SCN3A: variants seen among roughly 807,000 people sequenced by gnomAD.
SCN3A encodes the protein sodium voltage-gated channel alpha subunit 3.
A neutral mutation model predicts 187.6 loss-of-function variants in SCN3A; 60 were observed. The ratio of observed to expected loss-of-function variants is 0.32; its 90% CI spans 0.26 to 0.40. The LOEUF is 0.40. Among genes scored for constraint, SCN3A ranks in the 10% least tolerant of loss-of-function variants. SCN3A has a pLI of 1.00. For synonymous variants in SCN3A, 788 were observed against 829.2 expected (o/e 0.95, Z 0.85); for missense variants, 1,601 against 2,428.2 (o/e 0.66, Z 7.16).
chr2:165,180,052 A>G (rs149708962), intron 2 of SCN3A, among the ~76,000 whole-genome samples: 1,625 of 152,272 alleles, frequency 0.011, 22 homozygotes, highest in African/African-American at 0.037. Context: ...CAAAAAAGAT[A>G]CGAAAAAAAT....
intron 18 of SCN3A, among the ~76,000 whole-genome samples, chr2:165,119,532 A>C (rs1291641974): frequency 6.6e-6 from 1 of 152,172 alleles, no homozygotes; most frequent in Non-Finnish European, 1.5e-5. Context: ...CATTTATATG[A>C]TACATATCTA....
chr2:165,147,542 A>G (rs1395143209), intron 11 of SCN3A, among the ~76,000 whole-genome samples: 1 of 152,164 alleles, frequency 6.6e-6, no homozygotes, highest in African/African-American at 2.4e-5. Context: ...GGAAGTAGGG[A>G]AATGTATTAG....
At chr2:165,194,376 G>C (rs1380820710) in intron 1 of SCN3A, among the ~76,000 whole-genome samples, 1 of 152,126 alleles carries the variant, frequency 6.6e-6, no homozygotes, top group South Asian at 2.1e-4. Context: ...TCCCTTCTGA[G>C]AGAAACTTCT....
Position 165,095,501 on chromosome 2 carries a change from G to T in SCN3A, c.4431+10C>A. On this transcript the variant is annotated intron_variant, in intron 25 of 27. Transcript: ENST00000283254. Reference sequence around the variant, plus strand: ...AGAATGAAGAAAGGTAAAAGCTAAAGAATACTTATCTTCTTTTTCTGCTGG... The same window carrying T: ...AGAATGAAGAAAGGTAAAAGCTAAATAATACTTATCTTCTTTTTCTGCTGG... The T allele has an allele frequency of 2.5e-6, 4 of 1,611,448 alleles. No homozygotes were observed. Among genetic ancestry groups the T allele is most frequent in the Non-Finnish European group, 3.4e-6 (4 of 1,178,094 alleles).
chr2:165,098,953 A>G (rs1211182569), intron 22 of SCN3A, among the ~76,000 whole-genome samples: 1 of 152,224 alleles, frequency 6.6e-6, no homozygotes, highest in African/African-American at 2.4e-5. Context: ...GTTTGGTTTG[A>G]AAAGAACTTG....
chr2:165,125,908 T>C (rs1686963760), intron 18 of SCN3A, among the ~76,000 whole-genome samples: 1 of 152,176 alleles, frequency 6.6e-6, no homozygotes, highest in Admixed American at 6.5e-5. Flanking sequence ...AGACTTTAAA[T>C]GGAATTCAGA....
rs1044498160 is a variant in SCN3A, at chr2:165,087,696, A to G, written c.*2454T>C. The G allele has an allele frequency of 6.6e-6, 1 of 152,210 alleles. No individual in the cohort carries two copies. Among genetic ancestry groups the G allele is most frequent in the African/African-American group, 2.4e-5 (1 of 41,466 alleles). The allele number at this position is 152,210 out of a possible 1,614,324, so 9.4% of individuals were successfully genotyped here. ...AAAAAAAAGTTAATATAAATTCTCA[A>G]TAACTATATCATTAATACCTTATGT... On this transcript the variant is annotated 3_prime_UTR_variant, in exon 28 of 28. Transcript: ENST00000283254.
chr2:165,102,054 C>T (rs181058651), intron 21 of SCN3A, among the ~76,000 whole-genome samples: 6 of 152,304 alleles, frequency 3.9e-5, no homozygotes, highest in Admixed American at 3.9e-4. Context: ...GTTCTATGCT[C>T]CTTTTCCTCA....
chr2:165,129,362 T>G (rs1000122007), intron 17 of SCN3A, among the ~76,000 whole-genome samples: 1 of 152,258 alleles, frequency 6.6e-6, no homozygotes, highest in Admixed American at 6.5e-5. Flanking sequence ...TTGGTTTTCC[T>G]ATAGTAATGC....
chr2:165,093,474 G>T (rs1429308180), intron 26 of SCN3A: 1 of 152,044 alleles, frequency 6.6e-6, no homozygotes, highest in Non-Finnish European at 1.5e-5. Flanking sequence ...TGCTTTCAAA[G>T]ATTCTTATAT....
At chr2:165,178,895 A>G (rs1055144839) in intron 2 of SCN3A, among the ~76,000 whole-genome samples, 2 of 152,014 alleles carry the variant, frequency 1.3e-5, no homozygotes, top group African/African-American at 4.8e-5. Context: ...TGATGATCAC[A>G]TCATCAATCC....
At position 165,090,067 on chromosome 2, in the gene SCN3A, TC is replaced by T. The variant is rs1171122053; in HGVS notation, c.*82del. On this transcript the variant is annotated 3_prime_UTR_variant, in exon 28 of 28. Transcript: ENST00000283254. This position sits in a 1 kb window ranked among gnomAD's most constrained non-coding sequence, Gnocchi z 4.0. ...TAAAACAGTCAGTTTGGCATGGACC[TC>T]CTCTTGAAGTCCAGTTGACACATAT... 38 of 1,537,266 alleles carry T rather than the reference TC, an allele frequency of 2.5e-5. No individual in the cohort carries two copies. Among genetic ancestry groups the T allele is most frequent in the Non-Finnish European group, 1.6e-5 (18 of 1,143,164 alleles).
chr2:165,173,350 C>T (rs1690238661), intron 3 of SCN3A, among the ~76,000 whole-genome samples: 1 of 152,204 alleles, frequency 6.6e-6, no homozygotes, highest in Non-Finnish European at 1.5e-5. Context: ...GGATTCACCA[C>T]TTAAGGAGTG....
At chr2:165,155,434 C>T (rs780098861) in intron 10 of SCN3A, among the ~76,000 whole-genome samples, 3 of 151,624 alleles carry the variant, frequency 2.0e-5, no homozygotes, top group Non-Finnish European at 4.4e-5. Context: ...GGGTCTTACT[C>T]TGTCATCTAG....
In SCN3A at chr2:165,130,201, C is replaced by G; in HGVS notation, c.2661G>C (p.Leu887Phe). Residue 887 changes from leucine to phenylalanine, a missense_variant, in exon 17 of 28, where the codon TTG becomes TTC. Leu to Phe is a conservative substitution (Grantham distance 22). Around this residue, in one of 11 missense-constraint regions of SCN3A, gnomAD observed 91 missense variants for 207.0 expected, o/e 0.44. Coordinates refer to ENST00000283254, the MANE Select transcript of SCN3A (RefSeq NM_006922.4). The stretch of plus-strand genomic sequence containing the variant: ...AAATGAAGACGATGATGGCCAACAC[C>G]AAGGTGAGGTTTCCTAGAGCCCCCA... ...NSVGALGNLT[L>F]VLAIIVFIFA... 1 of 1,614,156 alleles carries G rather than the reference C, an allele frequency of 6.2e-7. No individual in the cohort carries two copies. Among genetic ancestry groups the G allele is most frequent in the Middle Eastern group, 1.6e-4 (1 of 6,062 alleles).
intron 20 of SCN3A, among the ~76,000 whole-genome samples, chr2:165,113,376 G>C (rs1195200770): frequency 6.6e-6 from 1 of 151,934 alleles, no homozygotes; most frequent in African/African-American, 2.4e-5. Flanking sequence ...TGTTAATGAG[G>C]GACAGAATTG....
chr2:165,092,558 T>G lies in SCN3A; in HGVS notation c.4537-34A>C. On this transcript the variant is annotated intron_variant, in intron 26 of 27. Coordinates refer to ENST00000283254, the MANE Select transcript of SCN3A (RefSeq NM_006922.4). The surrounding 1 kb of genome is among the most constrained non-coding windows in gnomAD (Gnocchi z 4.2). ...TGAGAGAAGAGAAATAAGGTTACTA[T>G]ATATATTTCATAAAGAATAATGCAG... 1 of 1,583,208 alleles carries G rather than the reference T, an allele frequency of 6.3e-7. No individual in the cohort carries two copies. The highest frequency in any genetic ancestry group is 8.7e-7 in the Non-Finnish European group (1 of 1,152,518).
chr2:165,174,241 C>T (rs568903728), intron 3 of SCN3A, among the ~76,000 whole-genome samples: 68 of 152,106 alleles, frequency 4.5e-4, no homozygotes, highest in Non-Finnish European at 7.9e-4. Context: ...AGATACATTA[C>T]TTTCATATGG....
chr2:165,162,900 T>C (rs1689497935), intron 7 of SCN3A, 72 bp from the exon 8 acceptor site: 6 of 1,548,476 alleles, frequency 3.9e-6, no homozygotes, highest in East Asian at 2.2e-5. Flanking sequence ...GTCACACACA[T>C]TCTCTTTCCC....
Sources: gnomAD v4.1 joint callset for allele counts (sites outside exome capture counted in the v4.1 genomes callset) on GRCh38, gnomAD v4.1.1 for gene constraint, gnomAD v4.1.1 regional missense constraint, Gnocchi (gnomAD v3.1) non-coding constraint, MANE v1.5 for transcripts, NCBI Gene and HGNC (gene_info 2026-07-23, HGNC 2026-07-21) for gene names.